KIAA1958: variants seen among roughly 807,000 people sequenced by gnomAD.
The protein encoded by KIAA1958 is KIAA1958, also known as uncharacterized protein KIAA1958.
In KIAA1958, 14 loss-of-function variants were observed where a neutral mutation model predicts 47.2. The observed-to-expected ratio is 0.30, with a 90% CI of 0.20 to 0.46. The LOEUF is 0.46. Ranked by LOEUF, KIAA1958 falls within the 20% of genes least tolerant of loss-of-function variation. The pLI is 1.00. For synonymous variants in KIAA1958, 354 were observed against 353.3 expected (o/e 1.00, Z -0.02); for missense variants, 803 against 909.2 (o/e 0.88, Z 1.50).
chr9:112,535,526 G>C (rs1295831115), intron 1 of KIAA1958, among the ~76,000 whole-genome samples: 1 of 152,022 alleles, frequency 6.6e-6, no homozygotes, highest in East Asian at 1.9e-4. Context: ...GGCTGTTGTG[G>C]ATAATGCTGC....
Position 112,574,413 on chromosome 9 carries a change from A to C in KIAA1958, c.333A>C (p.Leu111=), listed in dbSNP as rs760986560. 1.2e-6 allele frequency: 2 copies of C among 1,614,172 alleles called. No homozygotes were observed. The highest frequency in any genetic ancestry group is 1.7e-6 in the Non-Finnish European group (2 of 1,180,002). The part of the protein sequence containing the change: ...RYPGRPVKAK[L]DCNRTRDSCD... ...CTGGGAGACCAGTGAAAGCAAAGCT[A>C]GACTGTAACCGGACCAGAGACTCTT... Residue 111 remains leucine, a synonymous_variant, in exon 2 of 4, where the codon CTA becomes CTC. Transcript: ENST00000337530.
chr9:112,596,820 ATTGAT>A, intron 2 of KIAA1958, among the ~76,000 whole-genome samples: 1 of 152,296 alleles, frequency 6.6e-6, no homozygotes, highest in South Asian at 2.1e-4. Context: ...TTTGTTTCAA[ATTGAT>A]TAATAATACC....
Position 112,496,950 on chromosome 9 carries a change from A to G in KIAA1958, c.-25+9832A>G, listed in dbSNP as rs546001886. ...AGCCCTGCCTACTTATCTGTTGTCCATAGGACTGTCCTATCACCTGATATT... is the reference window on the plus strand; with the variant it reads ...AGCCCTGCCTACTTATCTGTTGTCCGTAGGACTGTCCTATCACCTGATATT... On this transcript the variant is annotated intron_variant, in intron 1 of 3. Transcript: ENST00000337530. Among the ~76,000 whole-genome samples the G allele has an allele frequency of 3.9e-5, 6 of 152,214 alleles. No homozygotes were observed. The South Asian group carries it at 1.2e-3, about 32-fold the overall frequency.
intron 2 of KIAA1958, among the ~76,000 whole-genome samples, chr9:112,594,478 C>G (rs138890702): frequency 4.6e-5 from 7 of 152,180 alleles, no homozygotes; most frequent in African/African-American, 1.7e-4. Flanking sequence ...TATGTAAGTG[C>G]AATTGTACAA....
In KIAA1958 at chr9:112,633,197, T is replaced by G. The variant is rs185727160; in HGVS notation, c.1172-12453T>G. Among the ~76,000 whole-genome samples, 345 of 151,840 alleles carry G rather than the reference T, an allele frequency of 2.3e-3. 4 individuals are homozygous for G. Among genetic ancestry groups the G allele is most frequent in the African/African-American group, 7.6e-3 (316 of 41,334 alleles). On this transcript the variant is annotated intron_variant, in intron 2 of 3. Coordinates refer to ENST00000337530, the MANE Select transcript of KIAA1958 (RefSeq NM_133465.4). ...ATTTACAATTTAAATTACAGTGGTG[T>G]TATGATACTTTTTTTTTTTTTTAGG...
At chr9:112,639,958 CTG>C (rs1836866018) in intron 2 of KIAA1958, among the ~76,000 whole-genome samples, 1 of 152,198 alleles carries the variant, frequency 6.6e-6, no homozygotes, top group South Asian at 2.1e-4. Context: ...GTAAAATTCT[CTG>C]TCTTTTCATT....
chr9:112,495,403 T>C (rs1276458908), intron 1 of KIAA1958, among the ~76,000 whole-genome samples: 1 of 152,230 alleles, frequency 6.6e-6, no homozygotes, highest in Non-Finnish European at 1.5e-5. Context: ...GTTTGAAGAT[T>C]TCCTCCTTTG....
intron 3 of KIAA1958, 45 bp from the exon 4 acceptor site, chr9:112,659,218 T>C: frequency 6.6e-7 from 1 of 1,519,750 alleles, no homozygotes; most frequent in Middle Eastern, 1.7e-4. Flanking sequence ...GGGGTCTGGC[T>C]GTGTGAGTGT....
chr9:112,539,671 T>C (rs1834908115), intron 1 of KIAA1958, among the ~76,000 whole-genome samples: 1 of 150,022 alleles, frequency 6.7e-6, no homozygotes, highest in South Asian at 2.1e-4. Context: ...TACTTAAAAG[T>C]ATATATATAT....
At chr9:112,523,764 G>A (rs1003717516) in intron 1 of KIAA1958, among the ~76,000 whole-genome samples, 3 of 152,196 alleles carry the variant, frequency 2.0e-5, no homozygotes, top group African/African-American at 7.2e-5. Flanking sequence ...TTTAAGACAG[G>A]ACTCAAGTAT....
chr9:112,544,654 T>C (rs1302016255), intron 1 of KIAA1958, among the ~76,000 whole-genome samples: 4 of 152,152 alleles, frequency 2.6e-5, no homozygotes, highest in Non-Finnish European at 5.9e-5. Flanking sequence ...CTGGAGAGAG[T>C]CAAGGTCAGT....
chr9:112,546,536 C>G (rs1431174236), intron 1 of KIAA1958, among the ~76,000 whole-genome samples: 1 of 151,686 alleles, frequency 6.6e-6, no homozygotes, highest in Admixed American at 6.6e-5. Context: ...GAGTGCAGTG[C>G]TTTCTTAATA....
In KIAA1958 at chr9:112,574,288, G is replaced by A; in HGVS notation, c.208G>A (p.Glu70Lys). 6.2e-7 allele frequency: 1 copy of A among 1,614,168 alleles called. No homozygotes were observed. The highest frequency in any genetic ancestry group is 8.5e-7 in the Non-Finnish European group (1 of 1,179,992). Residue 70 changes from glutamate to lysine, a missense_variant, in exon 2 of 4, where the codon GAG (glutamate) becomes AAG (lysine). Glu to Lys is a moderately conservative substitution (Grantham distance 56). Transcript: ENST00000337530. Reference sequence around the variant, plus strand: ...AGCTACTTGCAGAGCTGGGTCCCAAGAGAGGGTCTGTTTCCAGGATAACAG... The same window carrying A: ...AGCTACTTGCAGAGCTGGGTCCCAAAAGAGGGTCTGTTTCCAGGATAACAG... ...LTATCRAGSQERVCFQDNRSF... is the reference protein window; with the variant it reads ...LTATCRAGSQKRVCFQDNRSF...
intron 2 of KIAA1958, among the ~76,000 whole-genome samples, chr9:112,619,692 T>C (rs1291722385): frequency 2.0e-5 from 3 of 152,230 alleles, no homozygotes; most frequent in Non-Finnish European, 4.4e-5. Context: ...TGCTTGAACC[T>C]GGAAAGAATG....
At chr9:112,638,844 A>G (rs937196769) in intron 2 of KIAA1958, among the ~76,000 whole-genome samples, 4 of 151,730 alleles carry the variant, frequency 2.6e-5, no homozygotes, top group Non-Finnish European at 4.4e-5. Flanking sequence ...TTTTCTATTG[A>G]CCTTTCAGTT....
At chr9:112,653,496 C>T (rs917447195) in intron 3 of KIAA1958, among the ~76,000 whole-genome samples, 2 of 152,178 alleles carry the variant, frequency 1.3e-5, no homozygotes, top group South Asian at 4.1e-4. Flanking sequence ...TTGGGGTACT[C>T]ATATGGGTGC....
At chr9:112,577,022 A>T (rs1412979334) in intron 2 of KIAA1958, among the ~76,000 whole-genome samples, 1 of 152,146 alleles carries the variant, frequency 6.6e-6, no homozygotes, top group Non-Finnish European at 1.5e-5. Context: ...TTTCATGTTT[A>T]AAAAAATAAT....
intron 1 of KIAA1958, among the ~76,000 whole-genome samples, chr9:112,554,117 CTA>C (rs1250389760): frequency 1.3e-5 from 2 of 152,114 alleles, no homozygotes; most frequent in Non-Finnish European, 2.9e-5. Context: ...TCTTTTGATT[CTA>C]TGTCTCAGCA....
chr9:112,500,427 A>C (rs1587989840), intron 1 of KIAA1958, among the ~76,000 whole-genome samples: 1 of 149,698 alleles, frequency 6.7e-6, no homozygotes, highest in African/African-American at 2.5e-5. Context: ...GTCAAAATTT[A>C]TCCTATTGAT....
Sources: allele counts gnomAD v4.1 joint callset (sites outside exome capture counted in the v4.1 genomes callset), GRCh38; gene constraint gnomAD v4.1.1; transcripts MANE v1.5; gene names NCBI Gene and HGNC (gene_info 2026-07-23, HGNC 2026-07-21).